The following OPCML variants were observed in gnomAD, a reference collection of about 807,000 sequenced individuals.
OPCML encodes opioid-binding protein/cell adhesion molecule.
In OPCML, 13 loss-of-function variants were observed where a neutral mutation model predicts 37.8. The observed-to-expected ratio is 0.34, with a 90% CI of 0.22 to 0.55. The LOEUF (loss-of-function observed/expected upper bound fraction) is 0.55. Among genes scored for constraint, OPCML ranks in the 20% least tolerant of loss-of-function variants. The probability of loss-of-function intolerance (pLI) is 0.91; values close to 1 mark genes in which losing one functional copy is unlikely to be tolerated. For synonymous variants in OPCML, 176 were observed against 168.8 expected (o/e 1.04, Z -0.33); for missense variants, 341 against 435.6 (o/e 0.78, Z 1.93).
At position 133,051,895 on chromosome 11, in the gene OPCML, A is replaced by G. The variant is rs181800484; in HGVS notation, c.62-108885T>C. On this transcript the variant is annotated intron_variant, in intron 1 of 7. Transcript: ENST00000524381. ...TCAGTATCAGAAGCAAATATACCCC[A>G]AACAGCTTTTTGTCATGCACTTGTC... Among the ~76,000 whole-genome samples the G allele has an allele frequency of 4.9e-4, 75 of 152,252 alleles. 1 individual carries two copies. The East Asian group carries it at 0.013, about 26-fold the overall frequency.
chr11:132,567,711 T>C (rs1051269931), intron 3 of OPCML, among the ~76,000 whole-genome samples: 2 of 152,232 alleles, frequency 1.3e-5, no homozygotes, highest in Non-Finnish European at 2.9e-5. Flanking sequence ...GTTTTACTTT[T>C]ATTTATTTTA....
intron 1 of OPCML, among the ~76,000 whole-genome samples, chr11:133,359,299 G>C (rs1379788774): frequency 6.6e-6 from 1 of 152,114 alleles, no homozygotes. Flanking sequence ...CTGCTGAGCT[G>C]ATGCAAAATA....
intron 1 of OPCML, among the ~76,000 whole-genome samples, chr11:133,140,898 CGACGACGACGAA>C (rs1382489883): frequency 0.011 from 36 of 3,286 alleles, 7 homozygotes; most frequent in Admixed American, 0.035. Flanking sequence ...ACGACGAAGA[CGACGACGACGAA>C]GAAGAAGAAG....
intron 1 of OPCML, among the ~76,000 whole-genome samples, chr11:133,410,475 T>C (rs1010332843): frequency 1.3e-5 from 2 of 151,632 alleles, no homozygotes; most frequent in Admixed American, 6.6e-5. Context: ...ACTAGCTGAG[T>C]CTTTTTCTCT....
intron 1 of OPCML, among the ~76,000 whole-genome samples, chr11:133,210,445 C>T (rs1592107797): frequency 6.6e-6 from 1 of 152,126 alleles, no homozygotes; most frequent in African/African-American, 2.4e-5. Context: ...ATTCAGATCC[C>T]TTTTTCTGGT....
intron 4 of OPCML, among the ~76,000 whole-genome samples, chr11:132,441,228 C>T (rs1267677300): frequency 1.0e-4 from 12 of 120,016 alleles, no homozygotes; most frequent in Admixed American, 8.7e-4. Context: ...AGTGCAGTGG[C>T]GGGATCTCGG....
chr11:133,272,490 C>T (rs1941874791), intron 1 of OPCML, among the ~76,000 whole-genome samples: 1 of 152,248 alleles, frequency 6.6e-6, no homozygotes, highest in Non-Finnish European at 1.5e-5. Flanking sequence ...AACAGTATTC[C>T]CTGTCAGGGA....
At chr11:133,115,819 A>C (rs4517531) in intron 1 of OPCML, among the ~76,000 whole-genome samples, 91,697 of 151,286 alleles carry the variant, frequency 0.61, 27,906 homozygotes, top group East Asian at 0.8. Context: ...AACATTCTGC[A>C]TAACTTTATC....
chr11:132,845,805 C>T (rs1201182812), intron 2 of OPCML, among the ~76,000 whole-genome samples: 1 of 152,124 alleles, frequency 6.6e-6, no homozygotes, highest in Non-Finnish European at 1.5e-5. Context: ...TCCCCTCCTA[C>T]ATTATTATTA....
chr11:132,508,472 T>C (rs926947082), intron 4 of OPCML, among the ~76,000 whole-genome samples: 4 of 149,890 alleles, frequency 2.7e-5, no homozygotes, highest in African/African-American at 7.3e-5. Flanking sequence ...AAAAAAAACA[T>C]TGGACAAAAT....
chr11:132,970,657 C>T (rs1435945187), intron 1 of OPCML, among the ~76,000 whole-genome samples: 1 of 152,144 alleles, frequency 6.6e-6, no homozygotes, highest in Non-Finnish European at 1.5e-5. Context: ...CACATAAACC[C>T]TCATTTCAGT....
chr11:133,358,999 G>T (rs899306231), intron 1 of OPCML, among the ~76,000 whole-genome samples: 2 of 152,024 alleles, frequency 1.3e-5, no homozygotes, highest in Non-Finnish European at 2.9e-5. Flanking sequence ...TGATTTGGGG[G>T]AGGGGGCCTA....
At chr11:133,340,426 T>C (rs1943839515) in intron 1 of OPCML, among the ~76,000 whole-genome samples, 1 of 152,206 alleles carries the variant, frequency 6.6e-6, no homozygotes, top group Non-Finnish European at 1.5e-5. Flanking sequence ...ATCTACAGTC[T>C]TTCAAGCCTG....
At chr11:133,186,185 ATC>A (rs1258277692) in intron 1 of OPCML, among the ~76,000 whole-genome samples, 1 of 152,190 alleles carries the variant, frequency 6.6e-6, no homozygotes, top group African/African-American at 2.4e-5. Flanking sequence ...GGGAAGGCGA[ATC>A]TCTTACCTAG....
rs959388012 is a variant in OPCML at position 133,343,159 on chromosome 11, G to C, written c.61+189105C>G. ...GGATTTCTGAAAGCCACCATTACAA[G>C]AGAGTAACAAAGTCCAAGTTCTCTC... On this transcript the variant is annotated intron_variant, in intron 1 of 7. Transcript: ENST00000524381. Among the ~76,000 whole-genome samples the C allele has an allele frequency of 4.9e-4, 75 of 152,060 alleles. 1 individual carries two copies. The highest frequency in any genetic ancestry group is 1.5e-5 in the Non-Finnish European group (1 of 68,018).
intron 4 of OPCML, among the ~76,000 whole-genome samples, chr11:132,491,593 G>A (rs1012691031): frequency 9.2e-5 from 14 of 152,142 alleles, no homozygotes; most frequent in African/African-American, 3.4e-4. Flanking sequence ...CCCTTCCCTT[G>A]TTTTATTTTT....
intron 1 of OPCML, among the ~76,000 whole-genome samples, chr11:133,220,124 A>G (rs766338293): frequency 4.6e-5 from 7 of 152,110 alleles, no homozygotes; most frequent in Admixed American, 2.0e-4. Flanking sequence ...TCAGCTGGGA[A>G]GTTGGACACT....
At chr11:132,587,585 A>C (rs914882768) in intron 3 of OPCML, among the ~76,000 whole-genome samples, 16 of 152,196 alleles carry the variant, frequency 1.1e-4, no homozygotes, top group African/African-American at 3.6e-4. Context: ...TTCTCTATTC[A>C]TGCGTGAGCC....
intron 2 of OPCML, among the ~76,000 whole-genome samples, chr11:132,739,864 G>A (rs966900971): frequency 6.6e-6 from 1 of 152,108 alleles, no homozygotes; most frequent in South Asian, 2.1e-4. Context: ...GACCCCATCA[G>A]TGTTTTGGTA....
Sources: gnomAD v4.1 joint callset for allele counts (sites outside exome capture counted in the v4.1 genomes callset) on GRCh38, gnomAD v4.1.1 for gene constraint, MANE v1.5 for transcripts, NCBI Gene and HGNC (gene_info 2026-07-23, HGNC 2026-07-21) for gene names.